The following FSCN1 variants were observed in gnomAD, a reference collection of about 807,000 sequenced individuals.
The protein encoded by FSCN1 is fascin.
Under a neutral mutation model 39.7 loss-of-function variants are expected in FSCN1, and 10 were observed. The observed-to-expected ratio is 0.25, with a 90% CI of 0.16 to 0.43. The LOEUF (loss-of-function observed/expected upper bound fraction) is 0.43. Among genes scored for constraint, FSCN1 ranks in the 20% least tolerant of loss-of-function variants. The pLI is 1.00. For synonymous variants in FSCN1, 322 were observed against 320.0 expected, an observed-to-expected ratio of 1.01 and a Z score of -0.07; for missense variants, 525 against 723.8, an observed-to-expected ratio of 0.73 and a Z score of 3.15.
chr7:5,593,988 T>C (rs1210618941), intron 1 of FSCN1: 2 of 544,070 alleles, frequency 3.7e-6, no homozygotes, highest in Non-Finnish European at 6.4e-6. Flanking sequence ...CACCCCGGGC[T>C]GGGATCATGG....
rs1226416256 is a variant in FSCN1 at position 5,606,420 on chromosome 7, A to C, written c.*946A>C. 1 of 151,654 alleles carries C rather than the reference A, an allele frequency of 6.6e-6. No individual in the cohort carries two copies. The highest frequency in any genetic ancestry group is 2.4e-5 in the African/African-American group (1 of 41,258). 9.4% of individuals were successfully genotyped at this position (151,654 alleles called of 1,614,324 possible). A position where few individuals can be genotyped will look rare whatever the true frequency, so the allele number is the denominator to read the frequency against. Reference sequence around the variant, plus strand: ...CACCTGGGCCAGAGCCCCTGCTGTGATTGGTGCTCCCTGGGCCTCCCGGGT... The same window carrying C: ...CACCTGGGCCAGAGCCCCTGCTGTGCTTGGTGCTCCCTGGGCCTCCCGGGT... On this transcript the variant is annotated 3_prime_UTR_variant, in exon 5 of 5. Coordinates refer to ENST00000382361, the MANE Select transcript of FSCN1 (RefSeq NM_003088.4). The surrounding 1 kb of genome is among the most constrained non-coding windows in gnomAD (Gnocchi z 5.1).
At chr7:5,604,880 G>A (rs564784047) in intron 4 of FSCN1, among the ~76,000 whole-genome samples, 29 of 151,928 alleles carry the variant, frequency 1.9e-4, no homozygotes, top group African/African-American at 5.6e-4. Flanking sequence ...CAAGTGATCC[G>A]CCCACCTCAG....
In FSCN1 at chr7:5,603,405, C is replaced by T. The variant is rs1168277107; in HGVS notation, c.981C>T (p.Ala327=). 4 of 1,613,800 alleles carry T rather than the reference C, an allele frequency of 2.5e-6. No individual in the cohort carries two copies. Among genetic ancestry groups the T allele is most frequent in the Admixed American group, 1.7e-5 (1 of 60,026 alleles). The part of the protein sequence containing the change: ...LTATGGVQST[A]SSKNASCYFD... ...CCACCGGGGGCGTGCAGTCCACCGC[C>T]TCCAGCAAGTGAGTGCCTCGCTCCC... is the stretch of plus-strand genomic sequence containing the variant. The change falls in exon 2 of 5, where the codon GCC becomes GCT. Residue 327 remains alanine, a synonymous_variant. Transcript: ENST00000382361. The surrounding 1 kb of genome is among the most constrained non-coding windows in gnomAD (Gnocchi z 8.5).
chr7:5,593,283 A>C lies in FSCN1; in HGVS notation c.347A>C (p.Glu116Ala), dbSNP rs1295782220. The C allele has an allele frequency of 6.2e-7, 1 of 1,609,946 alleles. No homozygotes were observed. Among genetic ancestry groups the C allele is most frequent in the Non-Finnish European group, 8.5e-7 (1 of 1,179,104 alleles). ...EAHRRYFGGT[E>A]DRLSCFAQTV... ...CACCGGCGCTACTTCGGCGGCACCG[A>C]GGACCGCCTGTCCTGCTTCGCGCAG... Residue 116 changes from glutamate to alanine, a missense_variant, in exon 1 of 5, where the codon GAG (glutamate) becomes GCG (alanine). Physicochemically the swap from Glu to Ala is moderately radical, Grantham distance 107. This residue lies in a region of FSCN1 where 246 missense variants were observed against 350.6 expected (regional missense o/e 0.70). Coordinates refer to ENST00000382361, the MANE Select transcript of FSCN1 (RefSeq NM_003088.4).
chr7:5,595,049 C>T (rs1419206294), intron 1 of FSCN1, among the ~76,000 whole-genome samples: 4 of 152,332 alleles, frequency 2.6e-5, no homozygotes, highest in African/African-American at 4.8e-5. Context: ...GAGGGAGGGG[C>T]GTGGGGGGAT....
At chr7:5,597,747 T>TAA (rs566357479) in intron 1 of FSCN1, among the ~76,000 whole-genome samples, 5,324 of 133,910 alleles carry the variant, frequency 0.04, 127 homozygotes, top group South Asian at 0.059. Flanking sequence ...AGAAAAAAGT[T>TAA]AAAAAAAAAA....
Position 5,599,250 on chromosome 7 carries a change from C to A in FSCN1, c.833-4007C>A, listed in dbSNP as rs532322609. 1.1e-4 allele frequency among the ~76,000 whole-genome samples: 17 copies of A among 152,152 alleles called. No homozygotes were observed. The highest frequency in any genetic ancestry group is 2.1e-4 in the Non-Finnish European group (14 of 67,970). ...AGGGTGGGCTACCGGCTTAAGGGGC[C>A]CCAGGGAACCTGGGGGGTGGAGCCC... On this transcript the variant is annotated intron_variant, in intron 1 of 4. Coordinates refer to ENST00000382361, the MANE Select transcript of FSCN1 (RefSeq NM_003088.4). This position sits in a 1 kb window ranked among gnomAD's most constrained non-coding sequence, Gnocchi z 5.6.
chr7:5,606,608 G>A lies in FSCN1; in HGVS notation c.*1134G>A, dbSNP rs1201011668. The stretch of plus-strand genomic sequence containing the variant: ...ATAACTCTAAACGCCCATGATAGTA[G>A]CTTCAAACTGGAAATAGCGAAATAA... On this transcript the variant is annotated 3_prime_UTR_variant, in exon 5 of 5. Transcript: ENST00000382361. This position sits in a 1 kb window ranked among gnomAD's most constrained non-coding sequence, Gnocchi z 5.1. 3 of 151,400 alleles carry A rather than the reference G, an allele frequency of 2.0e-5. No individual in the cohort carries two copies. The highest frequency in any genetic ancestry group is 7.3e-5 in the African/African-American group (3 of 41,154). 9.4% of individuals were successfully genotyped at this position (151,400 alleles called of 1,614,324 possible).
Position 5,603,992 on chromosome 7 carries a change from T to A in FSCN1, c.1241T>A (p.Phe414Tyr). The A allele has an allele frequency of 6.2e-7, 1 of 1,613,864 alleles. No homozygotes were observed. Among genetic ancestry groups the A allele is most frequent in the African/African-American group, 1.3e-5 (1 of 75,028 alleles). Residue 414 changes from phenylalanine (F) to tyrosine (Y), a missense_variant, in exon 4 of 5, where the codon TTC (phenylalanine) becomes TAC (tyrosine). Physicochemically the swap from Phe to Tyr is conservative, Grantham distance 22 (BLOSUM62 3). Coordinates refer to ENST00000382361, the MANE Select transcript of FSCN1 (RefSeq NM_003088.4). The surrounding 1 kb of genome is among the most constrained non-coding windows in gnomAD (Gnocchi z 8.5). ...GCCAACCGCTCCAGCTATGACGTCT[T>A]CCAGCTGGAGTTCAACGATGGCGCC... ...LDANRSSYDVFQLEFNDGAYN... is the reference protein window; with the variant it reads ...LDANRSSYDVYQLEFNDGAYN...
rs765945747 is a variant in FSCN1, at chr7:5,593,815, G to A, written c.832+47G>A. On this transcript the variant is annotated intron_variant, in intron 1 of 4. Coordinates refer to ENST00000382361, the MANE Select transcript of FSCN1 (RefSeq NM_003088.4). ...GCCTCTCCTGGTCCGTGCACAAAGCGCACCCCACCCGCGCCCCTCCAGCCT... is the reference window on the plus strand; with the variant it reads ...GCCTCTCCTGGTCCGTGCACAAAGCACACCCCACCCGCGCCCCTCCAGCCT... 2.4e-6 allele frequency: 3 copies of A among 1,272,730 alleles called. No homozygotes were observed. The South Asian group carries it at 4.1e-5, about 18-fold the overall frequency. The allele number at this position is 1,272,730 out of a possible 1,614,324, so 78.8% of individuals were successfully genotyped here. A position where few individuals can be genotyped will look rare whatever the true frequency, so the allele number is the denominator to read the frequency against.
intron 1 of FSCN1, among the ~76,000 whole-genome samples, chr7:5,597,758 A>G (rs1785756876): frequency 6.6e-6 from 1 of 151,936 alleles, no homozygotes; most frequent in South Asian, 2.1e-4. Context: ...AAAAAAAAAA[A>G]AAAGAGAGGA....
At chr7:5,596,126 C>T (rs543460204) in intron 1 of FSCN1, among the ~76,000 whole-genome samples, 1 of 144,726 alleles carries the variant, frequency 6.9e-6, no homozygotes, top group African/African-American at 2.6e-5. Context: ...TCCCGGGGGG[C>T]TTTTGGGAAC....
chr7:5,597,760 AAG>A (rs1491028150), intron 1 of FSCN1, among the ~76,000 whole-genome samples: 42 of 151,878 alleles, frequency 2.8e-4, no homozygotes, highest in African/African-American at 9.4e-4. Flanking sequence ...AAAAAAAAAA[AAG>A]AGAGGATGGC....
At chr7:5,602,106 A>G (rs1209213480) in intron 1 of FSCN1, among the ~76,000 whole-genome samples, 1 of 151,866 alleles carries the variant, frequency 6.6e-6, no homozygotes, top group South Asian at 2.1e-4. Flanking sequence ...GGGTGACTCC[A>G]TGTTGGTCAG....
chr7:5,605,176 C>T lies in FSCN1; in HGVS notation c.1280-96C>T, dbSNP rs541862941. ...CCGGAGCCGGGACTGGAGGGTGGGG[C>T]GTCACCCTTGGGAACACCCGTGCCC... is the stretch of plus-strand genomic sequence containing the variant. On this transcript the variant is annotated intron_variant, in intron 4 of 4. Transcript: ENST00000382361. The surrounding 1 kb of genome is among the most constrained non-coding windows in gnomAD (Gnocchi z 6.9). The T allele has an allele frequency of 8.4e-5, 72 of 856,040 alleles. No homozygotes were observed. In the African/African-American group the frequency reaches 9.7e-4, roughly 12 times the overall value. 53.0% of individuals were successfully genotyped at this position (856,040 alleles called of 1,614,324 possible). A position where few individuals can be genotyped will look rare whatever the true frequency, so the allele number is the denominator to read the frequency against.
intron 1 of FSCN1, among the ~76,000 whole-genome samples, chr7:5,594,223 C>G (rs1043960798): frequency 6.6e-6 from 1 of 152,224 alleles, no homozygotes; most frequent in African/African-American, 2.4e-5. Context: ...GCGCCTCCAC[C>G]CCCACCGGCA....
Position 5,592,833 on chromosome 7 carries a change from G to T in FSCN1, c.-104G>T, listed in dbSNP as rs1785656075. On this transcript the variant is annotated 5_prime_UTR_variant, in exon 1 of 5. Coordinates refer to ENST00000382361, the MANE Select transcript of FSCN1 (RefSeq NM_003088.4). The surrounding 1 kb of genome is among the most constrained non-coding windows in gnomAD (Gnocchi z 5.3). ...TGGGCTTTGTGGAGCGCTGCGGAGGGTGCGTGCGGGCCGCGGCAGCCGAAC... is the reference window on the plus strand; with the variant it reads ...TGGGCTTTGTGGAGCGCTGCGGAGGTTGCGTGCGGGCCGCGGCAGCCGAAC... The T allele has an allele frequency of 3.0e-6, 2 of 656,426 alleles. No individual in the cohort carries two copies. Among genetic ancestry groups the T allele is most frequent in the East Asian group, 6.0e-5 (2 of 33,466 alleles). The allele number at this position is 656,426 out of a possible 1,614,324, so 40.7% of individuals were successfully genotyped here.
intron 1 of FSCN1, among the ~76,000 whole-genome samples, chr7:5,596,028 C>T (rs1785723929): frequency 1.5e-5 from 2 of 134,394 alleles, no homozygotes; most frequent in South Asian, 4.9e-4. Context: ...TGTGGGACGG[C>T]GCGGGGGTGG....
chr7:5,603,625 T>G lies in FSCN1; in HGVS notation c.1111+8T>G. 1 of 1,613,870 alleles carries G rather than the reference T, an allele frequency of 6.2e-7. No homozygotes were observed. Among genetic ancestry groups the G allele is most frequent in the Non-Finnish European group, 8.5e-7 (1 of 1,179,972 alleles). On this transcript the variant is annotated splice_region_variant and intron_variant, in intron 3 of 4. Coordinates refer to ENST00000382361, the MANE Select transcript of FSCN1 (RefSeq NM_003088.4). This position sits in a 1 kb window ranked among gnomAD's most constrained non-coding sequence, Gnocchi z 8.5. ...CCTCGGTGGAGACAGCAGGTAACAC[T>G]AAAGCCCCAGTTCCCTGGAGCCGTC...
Sources: allele counts gnomAD v4.1 joint callset (sites outside exome capture counted in the v4.1 genomes callset), GRCh38; gene constraint gnomAD v4.1.1; regional missense constraint gnomAD v4.1.1; non-coding constraint Gnocchi (gnomAD v3.1); transcripts MANE v1.5; gene names NCBI Gene and HGNC (gene_info 2026-07-23, HGNC 2026-07-21).